RIMS2: variants seen among roughly 807,000 people sequenced by gnomAD.
RIMS2 encodes the protein regulating synaptic membrane exocytosis protein 2.
A neutral mutation model predicts 174.4 loss-of-function variants in RIMS2; 59 were observed. The observed-to-expected ratio is 0.34, with a 90% CI of 0.27 to 0.42. The LOEUF (loss-of-function observed/expected upper bound fraction) is 0.42, where lower values mean the gene tolerates loss of function less well. Among genes scored for constraint, RIMS2 ranks in the 10% least tolerant of loss-of-function variants. The pLI is 1.00. For synonymous variants in RIMS2, 606 were observed against 572.5 expected (o/e 1.06, Z -0.84); for missense variants, 1,620 against 1,666.3 (o/e 0.97, Z 0.48).
chr8:103,985,335 A>G (rs1386963969), intron 16 of RIMS2, among the ~76,000 whole-genome samples: 1 of 151,700 alleles, frequency 6.6e-6, no homozygotes, highest in African/African-American at 2.4e-5. Context: ...TTAGCCGAGC[A>G]TGGTGGTGCG....
intron 19 of RIMS2, among the ~76,000 whole-genome samples, chr8:104,205,495 C>G (rs199700125): frequency 6.6e-6 from 1 of 150,898 alleles, no homozygotes; most frequent in African/African-American, 2.4e-5. Flanking sequence ...TGTGAAGTGT[C>G]TGTGTGTGTG....
intron 1 of RIMS2, among the ~76,000 whole-genome samples, chr8:103,590,029 G>A (rs558469485): frequency 2.7e-4 from 41 of 151,270 alleles, no homozygotes; most frequent in Non-Finnish European, 5.3e-4. Context: ...GCACAACGTG[G>A]TGACTATAGT....
intron 3 of RIMS2, among the ~76,000 whole-genome samples, chr8:103,807,297 G>A (rs984911852): frequency 6.6e-6 from 1 of 152,116 alleles, no homozygotes; most frequent in African/African-American, 2.4e-5. Context: ...GTCATGGATA[G>A]CATTAGTGTC....
At chr8:103,931,923 A>G (rs931053252) in intron 12 of RIMS2, among the ~76,000 whole-genome samples, 16 of 152,038 alleles carry the variant, frequency 1.1e-4, no homozygotes, top group African/African-American at 3.6e-4. Flanking sequence ...TTCTTCAAGC[A>G]TTATTTGTTT....
At chr8:104,165,314 A>G (rs2098790353) in intron 19 of RIMS2, among the ~76,000 whole-genome samples, 1 of 152,186 alleles carries the variant, frequency 6.6e-6, no homozygotes, top group Non-Finnish European at 1.5e-5. Context: ...CTCAATCACA[A>G]TAAAATTCCC....
chr8:103,854,126 C>A (rs1056737693), intron 3 of RIMS2, among the ~76,000 whole-genome samples: 15 of 151,942 alleles, frequency 9.9e-5, no homozygotes, highest in African/African-American at 3.6e-4. Context: ...CTAGATATTT[C>A]GTTTTCTTTG....
chr8:104,098,973 A>G lies in RIMS2; in HGVS notation c.3334+84358A>G, dbSNP rs1189759596. Among the ~76,000 whole-genome samples the G allele has an allele frequency of 3.9e-5, 6 of 152,166 alleles. No individual in the cohort carries two copies. In the East Asian group the frequency reaches 5.8e-4, roughly 15 times the overall value. On this transcript the variant is annotated intron_variant, in intron 19 of 23. Coordinates refer to ENST00000504942, the Ensembl canonical transcript of RIMS2. The stretch of plus-strand genomic sequence containing the variant: ...TCCTGACTGTTGTGTACACCTATCT[A>G]TTTTGTCTATCTAGGCTTTTTAGCT...
At position 104,060,095 on chromosome 8, in the gene RIMS2, A is replaced by AG. The variant is rs1383827007; in HGVS notation, c.3334+45483dup. On this transcript the variant is annotated intron_variant, in intron 19 of 23. Transcript: ENST00000504942. Reference sequence around the variant, plus strand: ...TGATGCCAGCCTCATAAAATGAGTTAGGGAGGATTCCCTCTTTTTCTATTG... The same window carrying AG: ...TGATGCCAGCCTCATAAAATGAGTTAGGGGAGGATTCCCTCTTTTTCTATTG... Among the ~76,000 whole-genome samples, 4 of 151,934 alleles carry AG rather than the reference A, an allele frequency of 2.6e-5. 1 individual carries two copies. The highest frequency in any genetic ancestry group is 4.2e-4 in the South Asian group (2 of 4,772).
At chr8:104,040,511 G>A (rs1343115777) in intron 19 of RIMS2, among the ~76,000 whole-genome samples, 1 of 151,598 alleles carries the variant, frequency 6.6e-6, no homozygotes, top group Non-Finnish European at 1.5e-5. Flanking sequence ...AACATATCAT[G>A]TCATATCTGT....
intron 19 of RIMS2, among the ~76,000 whole-genome samples, chr8:104,067,840 CT>C (rs2097131317): frequency 6.6e-6 from 1 of 152,092 alleles, no homozygotes; most frequent in African/African-American, 2.4e-5. Flanking sequence ...GCATTAATGT[CT>C]TTTTGAAAGA....
At position 103,840,335 on chromosome 8, in the gene RIMS2, A is replaced by C. The variant is rs189489544; in HGVS notation, c.699-44963A>C. On this transcript the variant is annotated intron_variant, in intron 3 of 23. Transcript: ENST00000504942. The stretch of plus-strand genomic sequence containing the variant: ...TTTTTCTTCTATACAGGTTTCTTAT[A>C]TGTATTTCTAAAAATCTTTGGTTAT... Among the ~76,000 whole-genome samples, 143 of 152,180 alleles carry C rather than the reference A, an allele frequency of 9.4e-4. 1 individual carries two copies. The highest frequency in any genetic ancestry group is 3.4e-3 in the African/African-American group (142 of 41,538).
At chr8:103,841,879 C>T (rs1395907314) in intron 3 of RIMS2, among the ~76,000 whole-genome samples, 1 of 151,796 alleles carries the variant, frequency 6.6e-6, no homozygotes, top group Non-Finnish European at 1.5e-5. Flanking sequence ...TGCTAGAACC[C>T]GGGAGGCAGA....
chr8:103,954,559 G>A (rs55949255), intron 14 of RIMS2, among the ~76,000 whole-genome samples: 19,263 of 149,618 alleles, frequency 0.13, 1,671 homozygotes, highest in Non-Finnish European at 0.19. Flanking sequence ...ACCAATGAGA[G>A]CAAAGACACA....
intron 19 of RIMS2, among the ~76,000 whole-genome samples, chr8:104,086,014 T>C (rs1179644698): frequency 3.3e-5 from 5 of 152,044 alleles, no homozygotes; most frequent in Admixed American, 6.6e-5. Context: ...TATATGATCC[T>C]GGGGTAATAT....
At chr8:103,742,930 A>G (rs937846906) in intron 2 of RIMS2, among the ~76,000 whole-genome samples, 16 of 152,178 alleles carry the variant, frequency 1.1e-4, no homozygotes, top group Admixed American at 1.0e-3. Flanking sequence ...ACAAATTTCA[A>G]GCTATTAAAC....
chr8:103,961,315 A>G (rs2090003510), intron 15 of RIMS2, among the ~76,000 whole-genome samples, 182 bp downstream of exon 17: 1 of 152,142 alleles, frequency 6.6e-6, no homozygotes, highest in African/African-American at 2.4e-5. Flanking sequence ...CACCTGTACC[A>G]ATTAGATTGG....
intron 12 of RIMS2, among the ~76,000 whole-genome samples, chr8:103,935,029 T>C (rs2080933537): frequency 6.6e-6 from 1 of 152,150 alleles, no homozygotes; most frequent in African/African-American, 2.4e-5. Flanking sequence ...ATAGCAAGGC[T>C]CTGGTTAAAT....
At chr8:103,728,745 C>CTTTTTTTTTTTTTTTTTT (rs1311572866) in intron 2 of RIMS2, among the ~76,000 whole-genome samples, 4 of 68,148 alleles carry the variant, frequency 5.9e-5, no homozygotes, top group African/African-American at 3.1e-4. Context: ...AGGTATGCTC[C>CTTTTTTTTTTTTTTTTTT]TTCTTTTTTT....
chr8:103,786,985 T>G (rs1341935820), intron 3 of RIMS2, among the ~76,000 whole-genome samples: 5 of 151,334 alleles, frequency 3.3e-5, no homozygotes, highest in African/African-American at 1.2e-4. Flanking sequence ...TTTAGGATAG[T>G]TAGCTCTTCT....
Sources: allele counts gnomAD v4.1 joint callset (sites outside exome capture counted in the v4.1 genomes callset), GRCh38; gene constraint gnomAD v4.1.1; transcripts MANE v1.5; gene names NCBI Gene and HGNC (gene_info 2026-07-23, HGNC 2026-07-21).